Variants in GPHN observed in about 807,000 individuals in gnomAD.
GPHN encodes gephyrin.
Under a neutral mutation model 95.5 loss-of-function variants are expected in GPHN, and 17 were observed. That is an observed-to-expected ratio of 0.18 (90% CI 0.12 to 0.27). The LOEUF (loss-of-function observed/expected upper bound fraction) is 0.27. Ranked by LOEUF, GPHN falls within the 10% of genes least tolerant of loss-of-function variation. The pLI, the probability that GPHN is intolerant of heterozygous loss-of-function variation, is 1.00. For missense variants in GPHN, 660 were observed against 978.1 expected (o/e 0.67, Z 4.34); for synonymous variants, 320 against 322.5 (o/e 0.99, Z 0.08).
In GPHN at chr14:67,180,930, G is replaced by A. The variant is rs2083296158; in HGVS notation, c.2303G>A (p.Arg768Gln). 7.4e-6 allele frequency: 12 copies of A among 1,613,786 alleles called. No individual in the cohort carries two copies. The highest frequency in any genetic ancestry group is 1.3e-5 in the African/African-American group (1 of 74,890). ...GTGGTGGATGTCATGGTCATTGGAC[G>A]GCTATGATGGTCACCAGCAGGAGAA... ...GEVVDVMVIG[R>Q]L is the part of the protein sequence containing the mutation. The change falls in exon 23 of 23, where the codon CGG becomes CAG. Residue 768 changes from arginine (R) to glutamine (Q), a missense_variant. Around this residue, in one of 6 missense-constraint regions of GPHN, gnomAD observed 48 missense variants for 137.4 expected, o/e 0.35. Coordinates refer to ENST00000478722, the MANE Select transcript of GPHN (RefSeq NM_020806.5).
chr14:66,692,656 T>TA (rs2067857714), intron 2 of GPHN, among the ~76,000 whole-genome samples: 1 of 152,204 alleles, frequency 6.6e-6, no homozygotes, highest in African/African-American at 2.4e-5. Flanking sequence ...TTACCATTTT[T>TA]ATATGACCAT....
intron 2 of GPHN, among the ~76,000 whole-genome samples, chr14:66,721,265 C>A (rs568508452): frequency 6.6e-6 from 1 of 152,128 alleles, no homozygotes; most frequent in Non-Finnish European, 1.5e-5. Flanking sequence ...TTGAGAATGA[C>A]AAAAGGCTTA....
At chr14:67,023,716 C>T in intron 10 of GPHN, 41 bp downstream of exon 10, 1 of 1,472,760 alleles carries the variant, frequency 6.8e-7, no homozygotes, top group Admixed American at 1.7e-5. Context: ...TGAACTAGAG[C>T]TTATAAAGCT....
At chr14:67,180,268 G>A (rs1015611265) in intron 22 of GPHN, among the ~76,000 whole-genome samples, 10 of 152,148 alleles carry the variant, frequency 6.6e-5, no homozygotes, top group Admixed American at 3.9e-4. Flanking sequence ...AAGTGAAAAC[G>A]TCAACTAACA....
At chr14:66,989,158 GCTA>G (rs1464255813) in intron 9 of GPHN, among the ~76,000 whole-genome samples, 1 of 151,722 alleles carries the variant, frequency 6.6e-6, no homozygotes, top group East Asian at 1.9e-4. Context: ...CTTCCTTTGA[GCTA>G]CTCTTTGTTT....
chr14:66,835,208 T>C (rs1408661237), intron 4 of GPHN, among the ~76,000 whole-genome samples: 6 of 148,952 alleles, frequency 4.0e-5, no homozygotes, highest in Admixed American at 3.4e-4. Flanking sequence ...AAAAACCAGC[T>C]CCTGGATTCA....
At chr14:67,685,406 C>T in the GPHN span, among the ~76,000 whole-genome samples, 1 of 152,166 alleles carries the variant, frequency 6.6e-6, no homozygotes, top group Non-Finnish European at 1.5e-5. Context: ...TGCTAAGGAC[C>T]TCTGTGTATT....
the GPHN span, among the ~76,000 whole-genome samples, chr14:67,501,774 T>A: frequency 1.3e-5 from 2 of 152,186 alleles, no homozygotes; most frequent in African/African-American, 2.4e-5. Context: ...AAAGATTTTT[T>A]AAAAGGTAAT....
intron 4 of GPHN, among the ~76,000 whole-genome samples, chr14:66,857,314 A>G (rs772089833): frequency 2.0e-5 from 3 of 152,326 alleles, no homozygotes; most frequent in Middle Eastern, 6.8e-3. Context: ...TAATGAAAAA[A>G]CACAAATCCA....
chr14:66,649,047 G>T (rs1259434396), intron 1 of GPHN, among the ~76,000 whole-genome samples: 1 of 152,122 alleles, frequency 6.6e-6, no homozygotes, highest in Non-Finnish European at 1.5e-5. Flanking sequence ...AAAAATCAGG[G>T]TTGGCTGGGT....
chr14:67,732,536 C>CAAAA, the GPHN span, among the ~76,000 whole-genome samples: 13,535 of 129,640 alleles, frequency 0.1, 943 homozygotes, highest in South Asian at 0.3. Context: ...CCAAACAAAG[C>CAAAA]AAAAAAAAAA....
intron 5 of GPHN, among the ~76,000 whole-genome samples, chr14:66,913,416 A>G (rs1281046328): frequency 6.6e-6 from 1 of 152,094 alleles, no homozygotes; most frequent in Non-Finnish European, 1.5e-5. Flanking sequence ...ATCTCTGCTC[A>G]TTGCAACCTC....
intron 10 of GPHN, among the ~76,000 whole-genome samples, chr14:67,057,762 A>G (rs2075662900): frequency 6.7e-6 from 1 of 149,794 alleles, no homozygotes; most frequent in Non-Finnish European, 1.5e-5. Flanking sequence ...TACATTCTTC[A>G]TGGCAGGATA....
the GPHN span, among the ~76,000 whole-genome samples, chr14:67,679,232 T>C: frequency 2.0e-5 from 3 of 152,246 alleles, no homozygotes; most frequent in African/African-American, 7.2e-5. Context: ...GATAATGGCA[T>C]TAAACCATTC....
At chr14:67,642,419 T>C in the GPHN span, 6 of 1,566,368 alleles carry the variant, frequency 3.8e-6, no homozygotes, top group Non-Finnish European at 5.2e-6. Flanking sequence ...TTGGGGCTCA[T>C]AACTTAGCTT....
intron 17 of GPHN, among the ~76,000 whole-genome samples, chr14:67,139,666 A>T (rs751511477): frequency 6.6e-6 from 1 of 152,158 alleles, no homozygotes; most frequent in Non-Finnish European, 1.5e-5. Context: ...TTGTTGAGAG[A>T]TTATAGCATG....
At chr14:67,488,785 C>G in the GPHN span, 1 of 152,346 alleles carries the variant, frequency 6.6e-6, no homozygotes, top group Admixed American at 6.5e-5. Flanking sequence ...CTGCAGCCAG[C>G]TCTGGGAGCC....
At chr14:67,067,102 C>T (rs987824769) in intron 11 of GPHN, among the ~76,000 whole-genome samples, 1 of 152,200 alleles carries the variant, frequency 6.6e-6, no homozygotes, top group African/African-American at 2.4e-5. Context: ...TGGTGACCTA[C>T]AGATGGGGTT....
At chr14:66,538,610 G>A (rs1182199377) in intron 1 of GPHN, among the ~76,000 whole-genome samples, 1 of 151,042 alleles carries the variant, frequency 6.6e-6, no homozygotes, top group African/African-American at 2.4e-5. Flanking sequence ...TTTTAAATAG[G>A]TTTCCTTTTT....
Sources: allele counts gnomAD v4.1 joint callset (sites outside exome capture counted in the v4.1 genomes callset), GRCh38; gene constraint gnomAD v4.1.1; regional missense constraint gnomAD v4.1.1; transcripts MANE v1.5; gene names NCBI Gene and HGNC (gene_info 2026-07-23, HGNC 2026-07-21).